MAGI2: variants seen among roughly 807,000 people sequenced by gnomAD.
The protein encoded by MAGI2 is membrane-associated guanylate kinase, WW and PDZ domain-containing protein 2.
A neutral mutation model predicts 133.3 loss-of-function variants in MAGI2; 35 were observed. That is an observed-to-expected ratio of 0.26 (90% CI 0.20 to 0.35). The LOEUF (loss-of-function observed/expected upper bound fraction) is 0.35, where lower values mean the gene tolerates loss of function less well. Among genes scored for constraint, MAGI2 ranks in the 10% least tolerant of loss-of-function variants. The pLI, the probability that MAGI2 is intolerant of heterozygous loss-of-function variation, is 1.00. For synonymous variants in MAGI2, 729 were observed against 710.6 expected (o/e 1.03, Z -0.41); for missense variants, 1,636 against 1,863.4 (o/e 0.88, Z 2.25).
intron 3 of MAGI2, among the ~76,000 whole-genome samples, chr7:78,556,830 T>C (rs1450100477): frequency 6.6e-6 from 1 of 152,044 alleles, no homozygotes; most frequent in Non-Finnish European, 1.5e-5. Context: ...GGCTCACGCC[T>C]GTAATCCCAG....
chr7:78,702,314 A>C (rs1360729390), intron 2 of MAGI2, among the ~76,000 whole-genome samples: 1 of 152,022 alleles, frequency 6.6e-6, no homozygotes, highest in East Asian at 1.9e-4. Flanking sequence ...AAAATAATTT[A>C]TGCTTCTCTT....
intron 2 of MAGI2, among the ~76,000 whole-genome samples, chr7:78,689,629 T>C (rs1463127829): frequency 6.6e-6 from 1 of 151,922 alleles, no homozygotes; most frequent in African/African-American, 2.4e-5. Flanking sequence ...GTTTTGCCTG[T>C]TCTAAGATTT....
intron 7 of MAGI2, among the ~76,000 whole-genome samples, chr7:78,356,198 T>C (rs990415282): frequency 2.7e-4 from 41 of 152,194 alleles, no homozygotes; most frequent in African/African-American, 9.9e-4. Flanking sequence ...CTAATATTCA[T>C]GAATAAGATT....
chr7:78,912,582 G>C (rs1037232516), intron 2 of MAGI2, among the ~76,000 whole-genome samples: 1 of 151,840 alleles, frequency 6.6e-6, no homozygotes, highest in Non-Finnish European at 1.5e-5. Context: ...TCCCATGCTG[G>C]ATGCTTCCTG....
intron 2 of MAGI2, among the ~76,000 whole-genome samples, chr7:78,743,915 T>G (rs971182531): frequency 6.6e-6 from 1 of 152,198 alleles, no homozygotes; most frequent in Admixed American, 6.5e-5. Context: ...ATCTGAAACT[T>G]TGAAGCCCCT....
chr7:78,072,720 G>A (rs183484005), intron 21 of MAGI2: 212 of 393,722 alleles, frequency 5.4e-4, no homozygotes, highest in African/African-American at 3.5e-3. Flanking sequence ...TTGCTCTGTC[G>A]CCCAGGCTGG....
chr7:79,019,085 G>A (rs1222115182), intron 1 of MAGI2, among the ~76,000 whole-genome samples: 2 of 152,136 alleles, frequency 1.3e-5, no homozygotes, highest in Non-Finnish European at 2.9e-5. Flanking sequence ...AGAACAGAAT[G>A]TACATACTTC....
At chr7:78,789,210 A>G (rs1563508575) in intron 2 of MAGI2, among the ~76,000 whole-genome samples, 2 of 152,196 alleles carry the variant, frequency 1.3e-5, no homozygotes, top group South Asian at 4.1e-4. Flanking sequence ...TTTAGAATTA[A>G]AAAAACCAAG....
intron 9 of MAGI2, among the ~76,000 whole-genome samples, chr7:78,343,076 C>T (rs574035203): frequency 2.0e-5 from 3 of 152,278 alleles, no homozygotes; most frequent in Admixed American, 6.5e-5. Flanking sequence ...TGGGACTTAT[C>T]CAAGATCATG....
At chr7:78,332,229 C>A (rs867264510) in intron 9 of MAGI2, among the ~76,000 whole-genome samples, 2 of 152,182 alleles carry the variant, frequency 1.3e-5, no homozygotes, top group South Asian at 4.1e-4. Flanking sequence ...TAAAGAGGCA[C>A]CACAATAGCA....
At chr7:78,866,610 A>T (rs1356186655) in intron 2 of MAGI2, among the ~76,000 whole-genome samples, 1 of 151,830 alleles carries the variant, frequency 6.6e-6, no homozygotes, top group Non-Finnish European at 1.5e-5. Flanking sequence ...GGCTGCTGGA[A>T]CCACCCTGTG....
intron 3 of MAGI2, among the ~76,000 whole-genome samples, chr7:78,590,772 G>A (rs748399811): frequency 5.9e-5 from 9 of 152,162 alleles, no homozygotes; most frequent in Non-Finnish European, 1.3e-4. Flanking sequence ...AAACTGTGGT[G>A]ACTGATTCTA....
At chr7:78,672,268 C>T (rs1010554975) in intron 2 of MAGI2, among the ~76,000 whole-genome samples, 3 of 152,036 alleles carry the variant, frequency 2.0e-5, no homozygotes, top group African/African-American at 4.8e-5. Context: ...GCTGGGACCT[C>T]CCCCCTCTCT....
chr7:78,798,739 G>C (rs975603425), intron 2 of MAGI2, among the ~76,000 whole-genome samples: 7 of 152,120 alleles, frequency 4.6e-5, no homozygotes, highest in Middle Eastern at 3.4e-3. Flanking sequence ...TTTTCTCTCT[G>C]AGCTATACCC....
chr7:78,730,012 AG>A (rs1426542464), intron 2 of MAGI2, among the ~76,000 whole-genome samples: 3 of 152,196 alleles, frequency 2.0e-5, no homozygotes, highest in Non-Finnish European at 4.4e-5. Flanking sequence ...ATGCACAGCC[AG>A]GCAAGCACCC....
At chr7:78,630,118 A>G (rs1369751909) in intron 2 of MAGI2, among the ~76,000 whole-genome samples, 2 of 152,062 alleles carry the variant, frequency 1.3e-5, no homozygotes, top group African/African-American at 4.8e-5. Context: ...TTATCCAGAG[A>G]AAAATACACT....
chr7:79,130,011 T>C (rs12531031), intron 1 of MAGI2, among the ~76,000 whole-genome samples: 108,646 of 151,920 alleles, frequency 0.72, 40,827 homozygotes, highest in Non-Finnish European at 0.85. Context: ...TGTTAGGTTA[T>C]GAAAATGGGC....
chr7:78,579,043 T>C (rs1802566264), intron 3 of MAGI2, among the ~76,000 whole-genome samples: 1 of 152,202 alleles, frequency 6.6e-6, no homozygotes, highest in Non-Finnish European at 1.5e-5. Context: ...TCTGTGTGGC[T>C]CACTCCTTTG....
chr7:78,114,520 A>G (rs1283607187), intron 20 of MAGI2, among the ~76,000 whole-genome samples: 2 of 152,212 alleles, frequency 1.3e-5, no homozygotes, highest in Non-Finnish European at 2.9e-5. Context: ...TGAGCAAGCT[A>G]TGAAGAAGCT....
Sources: gnomAD v4.1 joint callset for allele counts (sites outside exome capture counted in the v4.1 genomes callset) on GRCh38, gnomAD v4.1.1 for gene constraint, MANE v1.5 for transcripts, NCBI Gene and HGNC (gene_info 2026-07-23, HGNC 2026-07-21) for gene names.